GALNT14: variants seen among roughly 807,000 people sequenced by gnomAD.
The protein encoded by GALNT14 is polypeptide N-acetylgalactosaminyltransferase 14, also known as UDP-GalNAc:polypeptide N-acetylgalactosaminyltransferase 14.
In GALNT14, 60 loss-of-function variants were observed where a neutral mutation model predicts 77.5. That is an observed-to-expected ratio of 0.77 (90% confidence interval 0.63 to 0.96). The LOEUF is 0.96. Ranked by LOEUF, GALNT14 falls within the 40% of genes least tolerant of loss-of-function variation. GALNT14 has a pLI of 0.00. For synonymous variants in GALNT14, 280 were observed against 281.7 expected, an observed-to-expected ratio of 0.99 and a Z score of 0.06; for missense variants, 710 against 731.0, an observed-to-expected ratio of 0.97 and a Z score of 0.33.
At chr2:31,040,136 T>C (rs995321498) in intron 1 of GALNT14, among the ~76,000 whole-genome samples, 3 of 152,222 alleles carry the variant, frequency 2.0e-5, no homozygotes, top group Admixed American at 2.0e-4. Flanking sequence ...GTCACAAATT[T>C]ATGACAAATG....
chr2:30,949,605 T>G (rs762919880), intron 6 of GALNT14, among the ~76,000 whole-genome samples: 1 of 152,194 alleles, frequency 6.6e-6, no homozygotes, highest in African/African-American at 2.4e-5. Context: ...AGAGGCTGAA[T>G]GCATCAGCCC....
intron 1 of GALNT14, among the ~76,000 whole-genome samples, chr2:31,034,127 TTG>T (rs1261991893): frequency 6.6e-6 from 1 of 152,156 alleles, no homozygotes; most frequent in African/African-American, 2.4e-5. Context: ...TTTCTCTCCT[TTG>T]TGACTTCTCA....
At chr2:31,095,627 A>G (rs955385519) in intron 1 of GALNT14, among the ~76,000 whole-genome samples, 13 of 152,070 alleles carry the variant, frequency 8.5e-5, no homozygotes, top group Non-Finnish European at 1.9e-4. Flanking sequence ...CTACAGAGAG[A>G]AGAAAATTTA....
At position 30,910,774 on chromosome 2, in the gene GALNT14, G is replaced by T. The variant is rs926554107; in HGVS notation, c.*127C>A. 5.2e-6 allele frequency: 5 copies of T among 959,436 alleles called. No individual in the cohort carries two copies. Among genetic ancestry groups the T allele is most frequent in the East Asian group, 2.5e-5 (1 of 39,318 alleles). The allele number at this position is 959,436 out of a possible 1,614,324, so 59.4% of individuals were successfully genotyped here. The stretch of plus-strand genomic sequence containing the variant: ...TGAGACAGTTGCTCCTGTCCTGGGG[G>T]GCTCTGCCTCCACCTCCCAGTCCAG... On this transcript the variant is annotated 3_prime_UTR_variant, in exon 15 of 15. Coordinates refer to ENST00000349752, the MANE Select transcript of GALNT14 (RefSeq NM_024572.4).
the GALNT14 span, among the ~76,000 whole-genome samples, chr2:30,900,831 A>G: frequency 2.0e-5 from 3 of 152,364 alleles, no homozygotes; most frequent in South Asian, 2.1e-4. Context: ...ACACCCAGTC[A>G]GGGGCAGATG....
intron 2 of GALNT14, among the ~76,000 whole-genome samples, chr2:30,971,906 C>T (rs566057197): frequency 5.9e-5 from 9 of 152,324 alleles, no homozygotes; most frequent in South Asian, 4.1e-4. Flanking sequence ...CAGCCTATAA[C>T]GGAGAGCGTG....
chr2:30,938,384 A>ACACACACTCTCTCT (rs1174119035), intron 9 of GALNT14, among the ~76,000 whole-genome samples: 44 of 141,780 alleles, frequency 3.1e-4, no homozygotes, highest in African/African-American at 1.1e-3. Flanking sequence ...ACACACACAC[A>ACACACACTCTCTCT]CTCTCTCTCT....
At chr2:30,985,771 C>T (rs910666295) in intron 2 of GALNT14, among the ~76,000 whole-genome samples, 11 of 152,272 alleles carry the variant, frequency 7.2e-5, no homozygotes, top group Non-Finnish European at 1.2e-4. Context: ...ATGTCACAGA[C>T]GGGGAGAGCT....
chr2:31,009,325 G>C (rs1296466589), intron 1 of GALNT14, among the ~76,000 whole-genome samples: 1 of 152,052 alleles, frequency 6.6e-6, no homozygotes, highest in East Asian at 1.9e-4. Flanking sequence ...CCCCTTCGAG[G>C]GTCCTTGTCT....
rs1035617782 is a variant in GALNT14 at position 31,032,026 on chromosome 2, C to A, written c.130-39019G>T. Reference sequence around the variant, plus strand: ...GGACCTGCCTCCACTTGGAAGGAGGCATATTTGTTCTTATGGAAGGCCATG... The same window carrying A: ...GGACCTGCCTCCACTTGGAAGGAGGAATATTTGTTCTTATGGAAGGCCATG... On this transcript the variant is annotated intron_variant, in intron 1 of 14. Coordinates refer to ENST00000349752, the MANE Select transcript of GALNT14 (RefSeq NM_024572.4). Among the ~76,000 whole-genome samples the A allele has an allele frequency of 2.6e-5, 4 of 152,304 alleles. No individual in the cohort carries two copies. In the East Asian group the frequency reaches 7.7e-4, roughly 29 times the overall value.
chr2:30,943,685 T>C (rs1172732282), intron 8 of GALNT14, among the ~76,000 whole-genome samples: 1 of 152,198 alleles, frequency 6.6e-6, no homozygotes, highest in Non-Finnish European at 1.5e-5. Flanking sequence ...AGCTGTGTGA[T>C]GCTCAGCATA....
intron 1 of GALNT14, among the ~76,000 whole-genome samples, chr2:31,062,198 T>C (rs1050750549): frequency 3.3e-5 from 5 of 152,198 alleles, no homozygotes; most frequent in African/African-American, 9.6e-5. Flanking sequence ...TTTGTCCTAA[T>C]GCTCTCCCTC....
intron 1 of GALNT14, among the ~76,000 whole-genome samples, chr2:31,041,187 G>C (rs1476882839): frequency 6.6e-6 from 1 of 152,146 alleles, no homozygotes; most frequent in Non-Finnish European, 1.5e-5. Flanking sequence ...GCAGATGCTA[G>C]AAGGCAAAAA....
intron 1 of GALNT14, among the ~76,000 whole-genome samples, chr2:31,120,954 A>C (rs1678381323): frequency 6.6e-6 from 1 of 152,222 alleles, no homozygotes; most frequent in Non-Finnish European, 1.5e-5. Flanking sequence ...TAGTTTCCTA[A>C]GACAGCAATT....
intron 1 of GALNT14, among the ~76,000 whole-genome samples, chr2:31,104,744 A>G (rs1457297081): frequency 1.3e-5 from 2 of 152,176 alleles, no homozygotes; most frequent in African/African-American, 4.8e-5. Flanking sequence ...GATACAAGCC[A>G]TGCATTCTTG....
chr2:31,084,373 T>C (rs73921454), intron 1 of GALNT14, among the ~76,000 whole-genome samples: 9,679 of 152,284 alleles, frequency 0.064, 331 homozygotes, highest in South Asian at 0.086. Flanking sequence ...GAACATGTAC[T>C]GAACTGATGA....
At position 30,912,304 on chromosome 2, in the gene GALNT14, C is replaced by T; in HGVS notation, c.1419G>A (p.Glu473=). The change falls in exon 14 of 15, where the codon GAG becomes GAA. Residue 473 remains glutamate, a synonymous_variant. Transcript: ENST00000349752. ...AFTYTQQILQ[E]ELCLSVITLF... ...AGGTGATGACTGACAGGCACAGCTC[C>T]TCCTGGAGGATCTGCTGGGTGTATG... The T allele has an allele frequency of 6.2e-7, 1 of 1,614,170 alleles. No individual in the cohort carries two copies. Among genetic ancestry groups the T allele is most frequent in the Non-Finnish European group, 8.5e-7 (1 of 1,180,018 alleles).
intron 1 of GALNT14, among the ~76,000 whole-genome samples, chr2:31,136,595 A>G (rs972496025): frequency 6.6e-6 from 1 of 152,226 alleles, no homozygotes; most frequent in African/African-American, 2.4e-5. Flanking sequence ...CTGCCTGAGC[A>G]CACAATAGGT....
chr2:30,959,059 C>G (rs1196042207), intron 3 of GALNT14, among the ~76,000 whole-genome samples: 2 of 152,164 alleles, frequency 1.3e-5, no homozygotes, highest in East Asian at 3.9e-4. Context: ...TGCCCAGTGC[C>G]GCTGTCTGAA....
Sources: gnomAD v4.1 joint callset for allele counts (sites outside exome capture counted in the v4.1 genomes callset) on GRCh38, gnomAD v4.1.1 for gene constraint, MANE v1.5 for transcripts, NCBI Gene and HGNC (gene_info 2026-07-23, HGNC 2026-07-21) for gene names.